The following FAT3 variants were observed in gnomAD, a reference collection of about 807,000 sequenced individuals.
The protein encoded by FAT3 is protocadherin Fat 3.
A neutral mutation model predicts 310.2 loss-of-function variants in FAT3; 95 were observed. The observed-to-expected ratio is 0.31, with a 90% CI of 0.26 to 0.36. FAT3 has a LOEUF of 0.36. FAT3 is among the 10% of genes least tolerant of loss of function. The pLI, the probability that FAT3 is intolerant of heterozygous loss-of-function variation, is 1.00. For synonymous variants in FAT3, 2,314 were observed against 2,192.9 expected, an observed-to-expected ratio of 1.06 and a Z score of -1.54; for missense variants, 5,408 against 5,715.6, an observed-to-expected ratio of 0.95 and a Z score of 1.74.
Position 92,894,517 on chromosome 11 carries a change from A to G in FAT3, c.*3404A>G, listed in dbSNP as rs1389012781. On this transcript the variant is annotated 3_prime_UTR_variant, in exon 28 of 28. Transcript: ENST00000525166. The stretch of plus-strand genomic sequence containing the variant: ...CACCTCCTGGAAGCCATTTCCCATA[A>G]TCTGTTGTAGGCACTTTACTAGTAT... 6.6e-6 allele frequency: 1 copy of G among 152,140 alleles called. No homozygotes were observed. The highest frequency in any genetic ancestry group is 1.5e-5 in the Non-Finnish European group (1 of 68,034). 9.4% of individuals were successfully genotyped at this position (152,140 alleles called of 1,614,324 possible).
chr11:92,511,176 G>A (rs1399157848), intron 2 of FAT3, among the ~76,000 whole-genome samples: 1 of 152,184 alleles, frequency 6.6e-6, no homozygotes, highest in Non-Finnish European at 1.5e-5. Context: ...GTAGCAAAGG[G>A]AAAACCCAAA....
In FAT3 at chr11:92,245,764, A is replaced by G. The variant is rs995694890; in HGVS notation, c.-18+20590A>G. Among the ~76,000 whole-genome samples the G allele has an allele frequency of 3.3e-5, 5 of 152,310 alleles. No homozygotes were observed. In the East Asian group the frequency reaches 9.7e-4, roughly 29 times the overall value. ...AAAACTTTATTTGCAAAAACTGGCT[A>G]CTGGCTGGATTTGGCCAGTGAGCTG... On this transcript the variant is annotated intron_variant, in intron 1 of 27. Transcript: ENST00000525166.
intron 2 of FAT3, among the ~76,000 whole-genome samples, chr11:92,384,596 G>A (rs1027598156): frequency 1.2e-4 from 19 of 152,184 alleles, no homozygotes; most frequent in African/African-American, 4.6e-4. Flanking sequence ...AGCCAGAGTA[G>A]TCAGCATCAG....
Position 92,895,970 on chromosome 11 carries a change from T to G in FAT3, c.*4857T>G, listed in dbSNP as rs1950022965. On this transcript the variant is annotated 3_prime_UTR_variant, in exon 28 of 28. Coordinates refer to ENST00000525166, the MANE Select transcript of FAT3 (RefSeq NM_001367949.2). ...TTTTAGATTTGAAAATGATGTTTTTTACTCATTTCAAAATGTACTGTAACC... is the reference window on the plus strand; with the variant it reads ...TTTTAGATTTGAAAATGATGTTTTTGACTCATTTCAAAATGTACTGTAACC... 1 of 152,144 alleles carries G rather than the reference T, an allele frequency of 6.6e-6. No homozygotes were observed. Among genetic ancestry groups the G allele is most frequent in the Non-Finnish European group, 1.5e-5 (1 of 68,022 alleles). The allele number at this position is 152,144 out of a possible 1,614,324, so 9.4% of individuals were successfully genotyped here. A position where few individuals can be genotyped will look rare whatever the true frequency, so the allele number is the denominator to read the frequency against.
intron 3 of FAT3, among the ~76,000 whole-genome samples, chr11:92,568,675 C>G (rs1435495474): frequency 3.9e-5 from 6 of 152,196 alleles, no homozygotes; most frequent in Non-Finnish European, 8.8e-5. Flanking sequence ...GATATTCACT[C>G]TCTGCCTCCT....
At chr11:92,797,574 T>C (rs1183193383) in intron 9 of FAT3, among the ~76,000 whole-genome samples, 4 of 152,186 alleles carry the variant, frequency 2.6e-5, no homozygotes, top group Non-Finnish European at 5.9e-5. Context: ...CACATAAGAC[T>C]GTGTCATTGT....
intron 2 of FAT3, among the ~76,000 whole-genome samples, chr11:92,368,702 A>T (rs11019929): frequency 2.0e-5 from 3 of 151,984 alleles, no homozygotes; most frequent in Admixed American, 6.6e-5. Context: ...GGTTATATTC[A>T]TATGGTGGTA....
At chr11:92,781,649 A>C (rs541590145) in intron 7 of FAT3, among the ~76,000 whole-genome samples, 2 of 152,214 alleles carry the variant, frequency 1.3e-5, no homozygotes, top group Non-Finnish European at 2.9e-5. Flanking sequence ...ACCCAAGTTC[A>C]AGTCAGCACT....
At chr11:92,510,958 T>G (rs1953269528) in intron 2 of FAT3, among the ~76,000 whole-genome samples, 1 of 152,188 alleles carries the variant, frequency 6.6e-6, no homozygotes, top group South Asian at 2.1e-4. Flanking sequence ...GTGTCCAGGG[T>G]GGAGGCAAAT....
At chr11:92,681,376 G>A (rs1159722065) in intron 3 of FAT3, among the ~76,000 whole-genome samples, 1 of 152,190 alleles carries the variant, frequency 6.6e-6, no homozygotes, top group Admixed American at 6.5e-5. Flanking sequence ...AATTAGCCAT[G>A]CAGACATCTG....
intron 1 of FAT3, among the ~76,000 whole-genome samples, chr11:92,257,555 C>T (rs576689032): frequency 3.3e-5 from 5 of 152,104 alleles, no homozygotes; most frequent in South Asian, 2.1e-4. Context: ...AAATGTGAAG[C>T]GTACAACCTG....
rs1267181174 is a variant in FAT3, at chr11:92,762,394, T to TC, written c.3984+229dup. ...CTTTGGTTGTGTCCTGTCAGCATTT[T>TC]CCCCCATTCCCAGGCCACAGCCTGT... On this transcript the variant is annotated intron_variant, in intron 5 of 27. Transcript: ENST00000525166. 3.3e-5 allele frequency among the ~76,000 whole-genome samples: 5 copies of TC among 152,112 alleles called. No homozygotes were observed. In the East Asian group the frequency reaches 7.7e-4, roughly 24 times the overall value.
intron 2 of FAT3, among the ~76,000 whole-genome samples, chr11:92,464,583 G>A (rs1250279697): frequency 6.6e-6 from 1 of 152,168 alleles, no homozygotes; most frequent in Admixed American, 6.5e-5. Flanking sequence ...CCCCTTAAAT[G>A]GTCTGCATGG....
chr11:92,312,925 CAA>C (rs1260649095), intron 1 of FAT3, among the ~76,000 whole-genome samples: 1 of 151,996 alleles, frequency 6.6e-6, no homozygotes, highest in Non-Finnish European at 1.5e-5. Flanking sequence ...CTGGGGAAAA[CAA>C]AACAAAACAA....
At chr11:92,721,862 T>G (rs1421247491) in intron 4 of FAT3, among the ~76,000 whole-genome samples, 1 of 152,026 alleles carries the variant, frequency 6.6e-6, no homozygotes, top group African/African-American at 2.4e-5. Flanking sequence ...CTCCTCTTTT[T>G]AAAACAATCA....
intron 3 of FAT3, among the ~76,000 whole-genome samples, chr11:92,538,539 G>A (rs1954335613): frequency 6.6e-6 from 1 of 152,124 alleles, no homozygotes; most frequent in Non-Finnish European, 1.5e-5. Context: ...TAAATGCATT[G>A]CTTGTAAAGA....
At chr11:92,700,875 A>G (rs1047570372) in intron 4 of FAT3, among the ~76,000 whole-genome samples, 24 of 152,116 alleles carry the variant, frequency 1.6e-4, no homozygotes, top group Non-Finnish European at 3.4e-4. Flanking sequence ...TTTCTTCTAT[A>G]TGACATTGCT....
chr11:92,731,463 A>G (rs1945175054), intron 4 of FAT3, among the ~76,000 whole-genome samples: 1 of 152,178 alleles, frequency 6.6e-6, no homozygotes, highest in East Asian at 1.9e-4. Context: ...CCATCTTTCA[A>G]TTCCATCTTA....
At chr11:92,813,941 T>C (rs939301343) in intron 13 of FAT3, among the ~76,000 whole-genome samples, 5 of 152,224 alleles carry the variant, frequency 3.3e-5, no homozygotes, top group African/African-American at 9.6e-5. Context: ...TATTAAGAGA[T>C]GCATCCTTTG....
Sources: allele counts gnomAD v4.1 joint callset (sites outside exome capture counted in the v4.1 genomes callset), GRCh38; gene constraint gnomAD v4.1.1; transcripts MANE v1.5; gene names NCBI Gene and HGNC (gene_info 2026-07-23, HGNC 2026-07-21).